BANF2: variants seen among roughly 807,000 people sequenced by gnomAD.
BANF2 encodes barrier-to-autointegration factor-like protein.
A neutral mutation model predicts 8.0 loss-of-function variants in BANF2; 4 were observed. That is an observed-to-expected ratio of 0.50 (90% CI 0.25 to 1.14). The LOEUF (loss-of-function observed/expected upper bound fraction) is 1.14. BANF2 is among the 50% of genes most tolerant of loss of function. The pLI, the probability that BANF2 is intolerant of heterozygous loss-of-function variation, is 0.16. For synonymous variants in BANF2, 50 were observed against 40.6 expected (o/e 1.23, Z -0.88); for missense variants, 96 against 107.5 (o/e 0.89, Z 0.47).
chr20:17,697,962 T>C (rs1324428723), upstream of BANF2, among the ~76,000 whole-genome samples: 1 of 151,966 alleles, frequency 6.6e-6, no homozygotes, highest in Non-Finnish European at 1.5e-5. Context: ...CCCAGCACTT[T>C]GGGAGGCCAG....
intron 2 of BANF2, among the ~76,000 whole-genome samples, chr20:17,724,594 A>G (rs1286105056): frequency 2.0e-5 from 3 of 152,232 alleles, no homozygotes; most frequent in East Asian, 1.9e-4. Flanking sequence ...GAGAGTTTAC[A>G]CTATTATACA....
chr20:17,729,319 T>G lies in BANF2; in HGVS notation c.126+4168T>G, dbSNP rs572822676. Reference sequence around the variant, plus strand: ...TCTCTTGAAATGGGTTTTGAACCCCTTCAAGACCCTACTCACAGCCCACCT... The same window carrying G: ...TCTCTTGAAATGGGTTTTGAACCCCGTCAAGACCCTACTCACAGCCCACCT... On this transcript the variant is annotated intron_variant, in intron 3 of 3. Transcript: ENST00000246090. Among the ~76,000 whole-genome samples, 7 of 152,262 alleles carry G rather than the reference T, an allele frequency of 4.6e-5. No homozygotes were observed. In the East Asian group the frequency reaches 1.4e-3, roughly 29 times the overall value.
intron 1 of BANF2, among the ~76,000 whole-genome samples, chr20:17,705,441 T>C (rs961178242): frequency 7.2e-5 from 11 of 152,164 alleles, no homozygotes; most frequent in African/African-American, 2.4e-4. Flanking sequence ...TAAAGATCTT[T>C]AGCACCAGAA....
At chr20:17,730,778 G>A (rs1460903510) in intron 3 of BANF2, among the ~76,000 whole-genome samples, 1 of 152,236 alleles carries the variant, frequency 6.6e-6, no homozygotes, top group Non-Finnish European at 1.5e-5. Flanking sequence ...CACTCTGCTG[G>A]GTGGGCGGTG....
intron 1 of BANF2, among the ~76,000 whole-genome samples, chr20:17,714,310 G>A (rs2037620722): frequency 6.6e-6 from 1 of 151,758 alleles, no homozygotes; most frequent in Non-Finnish European, 1.5e-5. Context: ...TAATATGCTT[G>A]TCCATTCTTT....
At chr20:17,733,939 C>T (rs2037938994) in intron 3 of BANF2, among the ~76,000 whole-genome samples, 1 of 152,166 alleles carries the variant, frequency 6.6e-6, no homozygotes, top group African/African-American at 2.4e-5. Context: ...TAAACAGACA[C>T]CATCAGGTTT....
At chr20:17,710,835 C>A (rs1600217017) in intron 1 of BANF2, among the ~76,000 whole-genome samples, 1 of 151,126 alleles carries the variant, frequency 6.6e-6, no homozygotes, top group Non-Finnish European at 1.5e-5. Flanking sequence ...GGAATCCCAG[C>A]AGGAAGAACT....
chr20:17,705,379 C>T (rs755928417), intron 1 of BANF2, among the ~76,000 whole-genome samples: 1 of 152,216 alleles, frequency 6.6e-6, no homozygotes, highest in Non-Finnish European at 1.5e-5. Context: ...CCAGAGGGCC[C>T]ACAGCTAACC....
At chr20:17,700,483 C>T (rs943042176) in intron 1 of BANF2, among the ~76,000 whole-genome samples, 3 of 152,220 alleles carry the variant, frequency 2.0e-5, no homozygotes, top group African/African-American at 7.2e-5. Flanking sequence ...CTGACACAGC[C>T]ACCTCCCGTC....
chr20:17,711,640 G>A (rs1349440317), intron 1 of BANF2, among the ~76,000 whole-genome samples: 1 of 152,200 alleles, frequency 6.6e-6, no homozygotes, highest in Non-Finnish European at 1.5e-5. Context: ...CTTGAGACAA[G>A]GGGGTTAGGG....
intron 1 of BANF2, among the ~76,000 whole-genome samples, chr20:17,702,856 A>C (rs1432302223): frequency 6.6e-6 from 1 of 152,192 alleles, no homozygotes; most frequent in Non-Finnish European, 1.5e-5. Context: ...GCCACTAGGC[A>C]CACAGGGCCA....
chr20:17,701,614 T>C (rs1277270142), intron 1 of BANF2, among the ~76,000 whole-genome samples: 1 of 152,212 alleles, frequency 6.6e-6, no homozygotes, highest in East Asian at 1.9e-4. Flanking sequence ...AAAGGCTGTT[T>C]CCAAATCCAA....
chr20:17,702,299 G>T lies in BANF2; in HGVS notation c.-167+2244G>T, dbSNP rs377228448. Among the ~76,000 whole-genome samples, 4 of 152,188 alleles carry T rather than the reference G, an allele frequency of 2.6e-5. No homozygotes were observed. In the East Asian group the frequency reaches 5.8e-4, roughly 22 times the overall value. ...TGCCCTGATGGATGCTGAACTCCCTGTGGGCCCGCCTGTTTCACTGGCCCG... is the reference window on the plus strand; with the variant it reads ...TGCCCTGATGGATGCTGAACTCCCTTTGGGCCCGCCTGTTTCACTGGCCCG... On this transcript the variant is annotated intron_variant, in intron 1 of 3. Transcript: ENST00000246090.
intron 1 of BANF2, among the ~76,000 whole-genome samples, chr20:17,710,498 C>A (rs117927330): frequency 6.6e-6 from 1 of 152,194 alleles, no homozygotes; most frequent in African/African-American, 2.4e-5. Flanking sequence ...ACGTAGTAGG[C>A]GCTCAGCCAC....
chr20:17,725,146 A>G lies in BANF2; in HGVS notation c.121A>G (p.Asn41Asp). The G allele has an allele frequency of 6.2e-7, 1 of 1,611,792 alleles. No individual in the cohort carries two copies. The highest frequency in any genetic ancestry group is 1.1e-5 in the South Asian group (1 of 91,010). Residue 41 changes from asparagine to aspartate, a missense_variant, in exon 3 of 4, where the codon AAT becomes GAT. Transcript: ENST00000246090. ...GATCAATTTGGTCACCAAAGGTATC[A>G]ATAAGGTAATTCATATTTTCTTACT... ...LAINLVTKGINKAYILLGQFL... is the reference protein window; with the variant it reads ...LAINLVTKGIDKAYILLGQFL...
chr20:17,698,254 C>T (rs1310638562), upstream of BANF2, among the ~76,000 whole-genome samples: 2 of 151,982 alleles, frequency 1.3e-5, no homozygotes, highest in East Asian at 1.9e-4. Context: ...TGGTACCTCC[C>T]TTGCCTTGTT....
rs570409707 is a variant in BANF2 at position 17,730,444 on chromosome 20, G to A, written c.127-5221G>A. ...TACCGGCGAGGCTCTGCTCTCCCTC[G>A]CCCTCACCTCCTTACCAGCGAGGCT... On this transcript the variant is annotated intron_variant, in intron 3 of 3. Transcript: ENST00000246090. 5.3e-5 allele frequency among the ~76,000 whole-genome samples: 8 copies of A among 151,976 alleles called. 1 individual carries two copies. Among genetic ancestry groups the A allele is most frequent in the African/African-American group, 1.7e-4 (7 of 41,470 alleles).
chr20:17,714,352 T>G (rs2037620997), intron 1 of BANF2, among the ~76,000 whole-genome samples: 1 of 152,194 alleles, frequency 6.6e-6, no homozygotes, highest in African/African-American at 2.4e-5. Context: ...CAGCTCCTGA[T>G]CCTTTGCAGA....
upstream of BANF2, among the ~76,000 whole-genome samples, chr20:17,697,961 T>C (rs543578904): frequency 7.2e-5 from 11 of 151,802 alleles, no homozygotes; most frequent in South Asian, 2.1e-4. Flanking sequence ...TCCCAGCACT[T>C]TGGGAGGCCA....
Sources: gnomAD v4.1 joint callset for allele counts (sites outside exome capture counted in the v4.1 genomes callset) on GRCh38, gnomAD v4.1.1 for gene constraint, MANE v1.5 for transcripts, NCBI Gene and HGNC (gene_info 2026-07-23, HGNC 2026-07-21) for gene names.